The following TRMT11 variants were observed in gnomAD, a reference collection of about 807,000 sequenced individuals.
TRMT11 encodes the protein tRNA (guanine(10)-N(2))-methyltransferase TRMT11.
TRMT11 carries 53 observed loss-of-function variants against 62.8 expected under a neutral mutation model. The ratio of observed to expected loss-of-function variants is 0.84; its 90% CI spans 0.68 to 1.06. The LOEUF is 1.06. Among genes scored for constraint, TRMT11 ranks in the 50% least tolerant of loss-of-function variants. The pLI is 0.00. For synonymous variants in TRMT11, 188 were observed against 190.3 expected (o/e 0.99, Z 0.10); for missense variants, 556 against 553.4 (o/e 1.00, Z -0.05).
chr6:126,268,360 C>T, the TRMT11 span, among the ~76,000 whole-genome samples: 1 of 152,058 alleles, frequency 6.6e-6, no homozygotes. Context: ...TTACACTTCC[C>T]TCATTAGGAG....
At chr6:126,212,488 A>G in the TRMT11 span, among the ~76,000 whole-genome samples, 2 of 152,116 alleles carry the variant, frequency 1.3e-5, no homozygotes, top group South Asian at 4.1e-4. Flanking sequence ...ATGATATCTT[A>G]TTATAGTTTT....
intron 17 of TRMT11, among the ~76,000 whole-genome samples, chr6:126,083,060 A>G (rs1399409318): frequency 6.6e-6 from 1 of 152,188 alleles, no homozygotes; most frequent in Non-Finnish European, 1.5e-5. Flanking sequence ...AGACTTGAAT[A>G]GATATTTTTC....
At chr6:126,270,854 C>G in the TRMT11 span, among the ~76,000 whole-genome samples, 2 of 152,150 alleles carry the variant, frequency 1.3e-5, no homozygotes, top group Admixed American at 6.5e-5. Context: ...TTCAACCTTT[C>G]TACCCTTTCT....
At chr6:126,214,541 TTAA>T in the TRMT11 span, among the ~76,000 whole-genome samples, 1 of 152,050 alleles carries the variant, frequency 6.6e-6, no homozygotes, top group Admixed American at 6.5e-5. Flanking sequence ...CATAGTAGCC[TTAA>T]TAATCCTTTG....
At chr6:126,201,734 A>T (rs1343964810) in intron 3 of TRMT11, among the ~76,000 whole-genome samples, 1 of 147,790 alleles carries the variant, frequency 6.8e-6, no homozygotes. Flanking sequence ...CTTTATTTTT[A>T]TTTTCCTCTA....
At chr6:126,138,824 C>T (rs1417019028) in intron 21 of TRMT11, among the ~76,000 whole-genome samples, 1 of 151,874 alleles carries the variant, frequency 6.6e-6, no homozygotes, top group Non-Finnish European at 1.5e-5. Context: ...TTCATTGACC[C>T]AAATTAATGG....
chr6:126,021,984 C>T (rs1795886356), intron 12 of TRMT11, among the ~76,000 whole-genome samples: 1 of 151,970 alleles, frequency 6.6e-6, no homozygotes. Flanking sequence ...TTGGATGACC[C>T]CCATTCTTGC....
intron 12 of TRMT11, among the ~76,000 whole-genome samples, chr6:126,027,866 T>C (rs902950103): frequency 6.6e-6 from 1 of 152,186 alleles, no homozygotes; most frequent in Non-Finnish European, 1.5e-5. Flanking sequence ...AAAAGAACCA[T>C]TAACTTTATA....
chr6:126,266,532 T>C, the TRMT11 span, among the ~76,000 whole-genome samples: 2 of 152,150 alleles, frequency 1.3e-5, no homozygotes, highest in Admixed American at 6.5e-5. Flanking sequence ...CCTTATTTAG[T>C]TCTTCTTTTA....
chr6:126,205,838 C>T (rs191398410), downstream of TRMT11, among the ~76,000 whole-genome samples: 271 of 150,628 alleles, frequency 1.8e-3, 1 homozygote, highest in Admixed American at 4.0e-3. Context: ...AAAAAGATGG[C>T]GGAAACCTCA....
the TRMT11 span, among the ~76,000 whole-genome samples, chr6:126,246,661 T>A: frequency 2.0e-5 from 3 of 152,088 alleles, no homozygotes; most frequent in Admixed American, 2.0e-4. Flanking sequence ...CCAGCACTAA[T>A]AGGACAAATA....
chr6:126,102,771 T>C (rs1777416267), intron 17 of TRMT11, among the ~76,000 whole-genome samples: 1 of 152,158 alleles, frequency 6.6e-6, no homozygotes, highest in Non-Finnish European at 1.5e-5. Context: ...AAAAAAGTTC[T>C]ACTGGCAATA....
chr6:126,254,512 C>G, the TRMT11 span, among the ~76,000 whole-genome samples: 20 of 152,220 alleles, frequency 1.3e-4, no homozygotes, highest in Non-Finnish European at 2.6e-4. Flanking sequence ...TCGTGAGTCT[C>G]ATGAGGGGCT....
At chr6:126,138,972 A>G (rs1347619395) in intron 21 of TRMT11, among the ~76,000 whole-genome samples, 1 of 152,030 alleles carries the variant, frequency 6.6e-6, no homozygotes, top group Non-Finnish European at 1.5e-5. Context: ...GAAATTTAAA[A>G]ACTTTAGTAA....
chr6:126,259,771 T>C, the TRMT11 span, among the ~76,000 whole-genome samples: 1 of 152,192 alleles, frequency 6.6e-6, no homozygotes, highest in Non-Finnish European at 1.5e-5. Context: ...GCATATATAT[T>C]TATAATTGTT....
chr6:126,076,691 G>A (rs1459323615), intron 17 of TRMT11, among the ~76,000 whole-genome samples: 3 of 152,044 alleles, frequency 2.0e-5, no homozygotes, highest in African/African-American at 7.2e-5. Context: ...CCTTTACATG[G>A]TAGAATTGTT....
At chr6:126,088,108 T>C (rs1379546666) in intron 17 of TRMT11, among the ~76,000 whole-genome samples, 3 of 151,496 alleles carry the variant, frequency 2.0e-5, no homozygotes, top group South Asian at 2.1e-4. Context: ...GTGTATATAG[T>C]ACATAGTCTA....
rs1790020346 is a variant in TRMT11, at chr6:125,988,416, A to G, written c.72+1794A>G. Among the ~76,000 whole-genome samples the G allele has an allele frequency of 5.3e-5, 8 of 152,294 alleles. No individual in the cohort carries two copies. The South Asian group carries it at 1.7e-3, about 32-fold the overall frequency. Reference sequence around the variant, plus strand: ...CTAGGGTGAAAGGAGGATTCTCCCCATGGAGAGAATGAGATTGAGCTTGAG... The same window carrying G: ...CTAGGGTGAAAGGAGGATTCTCCCCGTGGAGAGAATGAGATTGAGCTTGAG... On this transcript the variant is annotated intron_variant, in intron 1 of 12. Coordinates refer to ENST00000334379, the MANE Select transcript of TRMT11 (RefSeq NM_001031712.3).
chr6:126,030,314 T>C (rs1201702422), intron 12 of TRMT11, among the ~76,000 whole-genome samples: 1 of 152,178 alleles, frequency 6.6e-6, no homozygotes, highest in East Asian at 1.9e-4. Context: ...AAGCTGGACA[T>C]GGGTAATTAC....
Sources: allele counts gnomAD v4.1 joint callset (sites outside exome capture counted in the v4.1 genomes callset), GRCh38; gene constraint gnomAD v4.1.1; transcripts MANE v1.5; gene names NCBI Gene and HGNC (gene_info 2026-07-23, HGNC 2026-07-21).